The following B4GALT5 variants were observed in gnomAD, a reference collection of about 807,000 sequenced individuals.
The protein encoded by B4GALT5 is UDP-Gal:beta-GlcNAc beta-1,4-galactosyltransferase 5.
B4GALT5 carries 11 observed loss-of-function variants against 45.0 expected under a neutral mutation model. That is an observed-to-expected ratio of 0.24 (90% confidence interval 0.15 to 0.40). The LOEUF (loss-of-function observed/expected upper bound fraction) is 0.40. Ranked by LOEUF, B4GALT5 falls within the 10% of genes least tolerant of loss-of-function variation. B4GALT5 has a pLI of 1.00. For missense variants in B4GALT5, 337 were observed against 500.2 expected, an observed-to-expected ratio of 0.67 and a Z score of 3.11; for synonymous variants, 185 against 182.9, an observed-to-expected ratio of 1.01 and a Z score of -0.09.
chr20:49,669,803 C>CA (rs1056564743), intron 1 of B4GALT5, among the ~76,000 whole-genome samples: 36 of 149,252 alleles, frequency 2.4e-4, no homozygotes, highest in East Asian at 3.9e-4. Flanking sequence ...TCTGCAACCA[C>CA]AAAAAAAAAG....
At chr20:49,656,900 G>C (rs2085645782) in intron 1 of B4GALT5, among the ~76,000 whole-genome samples, 198 bp from the exon 2 acceptor site, 1 of 151,894 alleles carries the variant, frequency 6.6e-6, no homozygotes, top group South Asian at 2.1e-4. Flanking sequence ...GTAGAGCTTA[G>C]AGGAATTTCT....
intron 1 of B4GALT5, among the ~76,000 whole-genome samples, chr20:49,694,771 T>C (rs1412765436): frequency 4.6e-5 from 7 of 151,918 alleles, no homozygotes; most frequent in Admixed American, 1.3e-4. Flanking sequence ...AACTCTGCCT[T>C]TGCATATGCA....
At chr20:49,662,513 TAG>T (rs568531215) in intron 1 of B4GALT5, among the ~76,000 whole-genome samples, 3 of 152,294 alleles carry the variant, frequency 2.0e-5, no homozygotes, top group South Asian at 2.1e-4. Context: ...TGAGACAATA[TAG>T]AGTTTTCTGA....
Position 49,656,585 on chromosome 20 carries a change from C to T in B4GALT5, c.233G>A (p.Ser78Asn). The change falls in exon 2 of 9, where the codon AGC (serine) becomes AAC (asparagine). Residue 78 changes from serine to asparagine, a missense_variant. Transcript: ENST00000371711. ...VLRSAYAKRN[S>N]SVNDSDYPLD... ...AAATATACCTGAGTCATTTACACTG[C>T]TGTTCCTCTTGGCATAAGCACTCCG... 1 of 1,614,178 alleles carries T rather than the reference C, an allele frequency of 6.2e-7. No individual in the cohort carries two copies. Among genetic ancestry groups the T allele is most frequent in the Non-Finnish European group, 8.5e-7 (1 of 1,180,028 alleles).
intron 1 of B4GALT5, among the ~76,000 whole-genome samples, chr20:49,681,270 A>C (rs1386123593): frequency 3.3e-5 from 5 of 151,840 alleles, no homozygotes; most frequent in Admixed American, 1.3e-4. Flanking sequence ...GTAAATAATA[A>C]ACTTAGCCGG....
chr20:49,699,367 C>CAAAA (rs11476698), intron 1 of B4GALT5, among the ~76,000 whole-genome samples: 2 of 93,780 alleles, frequency 2.1e-5, no homozygotes, highest in Admixed American at 1.2e-4. Context: ...CCTAAATGGG[C>CAAAA]AAAAAAAAAA....
intron 1 of B4GALT5, among the ~76,000 whole-genome samples, chr20:49,712,952 G>A (rs900800043): frequency 6.6e-6 from 1 of 151,752 alleles, no homozygotes; most frequent in African/African-American, 2.4e-5. Context: ...AGAGAGATCA[G>A]GCCACTGAAG....
intron 1 of B4GALT5, among the ~76,000 whole-genome samples, chr20:49,690,032 C>T (rs1054390186): frequency 3.3e-5 from 5 of 152,148 alleles, no homozygotes; most frequent in East Asian, 1.9e-4. Context: ...TTGAGACAGT[C>T]TCCCTCTGTC....
intron 1 of B4GALT5, among the ~76,000 whole-genome samples, chr20:49,699,084 A>G (rs116911471): frequency 3.5e-3 from 530 of 152,320 alleles, no homozygotes; most frequent in Non-Finnish European, 5.6e-3. Flanking sequence ...CCATTAACCT[A>G]AATATTTTTC....
intron 3 of B4GALT5, 55 bp from the exon 4 acceptor site, chr20:49,643,705 A>T (rs2085586664): frequency 1.3e-6 from 2 of 1,576,728 alleles, no homozygotes; most frequent in East Asian, 2.3e-5. Context: ...AGGTTTCCCT[A>T]TGCCTGGGGT....
intron 1 of B4GALT5, among the ~76,000 whole-genome samples, chr20:49,701,326 G>C (rs1319086752): frequency 6.6e-6 from 1 of 151,946 alleles, no homozygotes; most frequent in African/African-American, 2.4e-5. Context: ...TACATTTGCA[G>C]TTCAGCTGAT....
chr20:49,677,945 A>T (rs6019968), intron 1 of B4GALT5, among the ~76,000 whole-genome samples: 2,201 of 152,238 alleles, frequency 0.014, 61 homozygotes, highest in African/African-American at 0.05. Flanking sequence ...CAGGAGTTTC[A>T]CCATGTTGGT....
chr20:49,674,133 G>A (rs1413509765), intron 1 of B4GALT5, among the ~76,000 whole-genome samples: 1 of 146,374 alleles, frequency 6.8e-6, no homozygotes, highest in African/African-American at 2.5e-5. Context: ...GCAGGTGCCT[G>A]TAGTCCCAGC....
intron 1 of B4GALT5, among the ~76,000 whole-genome samples, chr20:49,659,325 T>C (rs978783961): frequency 2.6e-5 from 4 of 152,194 alleles, no homozygotes; most frequent in Non-Finnish European, 5.9e-5. Context: ...CTTTCTGCCG[T>C]GCAAATCCCA....
At chr20:49,656,430 T>C in intron 2 of B4GALT5, 138 bp downstream of exon 2, 1 of 1,113,048 alleles carries the variant, frequency 9.0e-7, no homozygotes, top group Non-Finnish European at 1.3e-6. Context: ...GGCAAGAGCT[T>C]TTTTAGCAGT....
chr20:49,677,322 T>C (rs570545740), intron 1 of B4GALT5, among the ~76,000 whole-genome samples: 1 of 152,278 alleles, frequency 6.6e-6, no homozygotes, highest in East Asian at 1.9e-4. Context: ...TCTTCCTACC[T>C]GCACCAACCA....
At chr20:49,683,008 T>G (rs1377384866) in intron 1 of B4GALT5, among the ~76,000 whole-genome samples, 1 of 151,832 alleles carries the variant, frequency 6.6e-6, no homozygotes, top group Non-Finnish European at 1.5e-5. Context: ...GTGGGAAGTC[T>G]GCTTGAGCCC....
chr20:49,685,938 AAGT>A (rs995214976), intron 1 of B4GALT5, among the ~76,000 whole-genome samples: 1 of 152,070 alleles, frequency 6.6e-6, no homozygotes, highest in Non-Finnish European at 1.5e-5. Flanking sequence ...AAAAAAAAAA[AAGT>A]AGTATTTGAG....
intron 1 of B4GALT5, among the ~76,000 whole-genome samples, chr20:49,711,288 TG>T (rs988365108): frequency 6.6e-6 from 1 of 152,188 alleles, no homozygotes; most frequent in Non-Finnish European, 1.5e-5. Flanking sequence ...ATTCTAGGCA[TG>T]GCAGTAGCAC....
Sources: gnomAD v4.1 joint callset for allele counts (sites outside exome capture counted in the v4.1 genomes callset) on GRCh38, gnomAD v4.1.1 for gene constraint, MANE v1.5 for transcripts, NCBI Gene and HGNC (gene_info 2026-07-23, HGNC 2026-07-21) for gene names.